PACRG: variants seen among roughly 807,000 people sequenced by gnomAD.
PACRG encodes parkin coregulated, also known as parkin coregulated gene protein.
In PACRG, 29 loss-of-function variants were observed where a neutral mutation model predicts 29.7. The observed-to-expected ratio is 0.98, with a 90% CI of 0.73 to 1.33. The LOEUF is 1.33. Ranked by LOEUF, PACRG falls within the 40% of genes most tolerant of loss-of-function variation. The pLI, the probability that PACRG is intolerant of heterozygous loss-of-function variation, is 0.00. For missense variants in PACRG, 279 were observed against 316.2 expected, an observed-to-expected ratio of 0.88 and a Z score of 0.89; for synonymous variants, 116 against 118.7, an observed-to-expected ratio of 0.98 and a Z score of 0.15.
In PACRG at chr6:162,932,861, T is replaced by C. The variant is rs116519428; in HGVS notation, c.291+118580T>C. ...CAGATTTCTAAAATATTTTTGTCTT[T>C]GTTTATTTCTGCTCTCATCTTTATA... On this transcript the variant is annotated intron_variant, in intron 2 of 4. Transcript: ENST00000366888. Among the ~76,000 whole-genome samples the C allele has an allele frequency of 5.4e-3, 827 of 152,096 alleles. 9 individuals carry two copies. The highest frequency in any genetic ancestry group is 0.019 in the African/African-American group (774 of 41,562).
chr6:163,049,978 T>C (rs1809824745), intron 2 of PACRG, among the ~76,000 whole-genome samples: 1 of 152,118 alleles, frequency 6.6e-6, no homozygotes, highest in South Asian at 2.1e-4. Context: ...ACCTTTATTT[T>C]CCACCTTTCA....
chr6:163,053,579 G>A (rs1353967835), intron 2 of PACRG, among the ~76,000 whole-genome samples: 2 of 152,084 alleles, frequency 1.3e-5, no homozygotes, highest in African/African-American at 2.4e-5. Flanking sequence ...AGTGAAATGA[G>A]GGAAAACACA....
At chr6:162,987,980 T>C (rs764528221) in intron 2 of PACRG, among the ~76,000 whole-genome samples, 1 of 152,184 alleles carries the variant, frequency 6.6e-6, no homozygotes, top group Non-Finnish European at 1.5e-5. Flanking sequence ...ATGTCCTGAG[T>C]TGGTTGGCCT....
chr6:163,064,106 T>C (rs1200573793), intron 3 of PACRG, among the ~76,000 whole-genome samples: 2 of 151,726 alleles, frequency 1.3e-5, no homozygotes, highest in Non-Finnish European at 2.9e-5. Flanking sequence ...TTTAAATCAA[T>C]GCTTCATGTT....
At chr6:162,989,484 C>T (rs962804867) in intron 2 of PACRG, among the ~76,000 whole-genome samples, 1 of 152,144 alleles carries the variant, frequency 6.6e-6, no homozygotes, top group Non-Finnish European at 1.5e-5. Context: ...ATATAACCTA[C>T]ACACATCCTC....
At chr6:163,150,894 G>A (rs1778056536) in intron 4 of PACRG, among the ~76,000 whole-genome samples, 1 of 152,156 alleles carries the variant, frequency 6.6e-6, no homozygotes, top group African/African-American at 2.4e-5. Context: ...TCTGTGCTGG[G>A]TTTTATCTAC....
intron 1 of PACRG, among the ~76,000 whole-genome samples, chr6:162,783,790 A>G (rs1007041584): frequency 1.3e-5 from 2 of 152,148 alleles, no homozygotes; most frequent in Middle Eastern, 3.5e-3. Flanking sequence ...CTCTAAAAGT[A>G]TTGTACTTGA....
rs532041995 is a variant in PACRG, at chr6:163,124,611, T to C, written c.613+35203T>C. Among the ~76,000 whole-genome samples, 226 of 152,308 alleles carry C rather than the reference T, an allele frequency of 1.5e-3. 1 individual carries two copies. The highest frequency in any genetic ancestry group is 5.0e-3 in the African/African-American group (209 of 41,568). On this transcript the variant is annotated intron_variant, in intron 4 of 4. Transcript: ENST00000366888. Reference sequence around the variant, plus strand: ...GAGGTTAGGAAAGAGCCTCTGATTTTATGAAGAAATGTCCAGCATTTCCCC... The same window carrying C: ...GAGGTTAGGAAAGAGCCTCTGATTTCATGAAGAAATGTCCAGCATTTCCCC...
intron 4 of PACRG, among the ~76,000 whole-genome samples, chr6:163,237,063 TCAACACGAGATTTGACTGGGGA>T (rs1296290709): frequency 1.3e-5 from 2 of 152,188 alleles, no homozygotes; most frequent in African/African-American, 2.4e-5. Flanking sequence ...GGATTACAAT[TCAACACGAGATTTGACTGGGGA>T]CACAGAGCCA....
At chr6:163,190,907 C>T (rs1464742531) in intron 4 of PACRG, 2 of 456,016 alleles carry the variant, frequency 4.4e-6, no homozygotes, top group Non-Finnish European at 4.4e-6. Flanking sequence ...AGCACACTCA[C>T]CCAGTGCCCG....
chr6:163,070,358 A>T (rs1168672271), intron 3 of PACRG, among the ~76,000 whole-genome samples: 1 of 152,138 alleles, frequency 6.6e-6, no homozygotes, highest in Non-Finnish European at 1.5e-5. Flanking sequence ...TTTTCAAGAC[A>T]TAGACAGTAT....
chr6:163,310,715 A>G (rs1425414516), intron 4 of PACRG: 1 of 152,192 alleles, frequency 6.6e-6, no homozygotes, highest in Non-Finnish European at 1.5e-5. Flanking sequence ...TGAAGTTTGC[A>G]CACAGTCTAG....
At chr6:163,230,947 G>A (rs1482826332) in intron 4 of PACRG, among the ~76,000 whole-genome samples, 3 of 152,206 alleles carry the variant, frequency 2.0e-5, no homozygotes, top group Non-Finnish European at 4.4e-5. Context: ...AGAAGCCTGC[G>A]GGACAGAAAT....
intron 4 of PACRG, among the ~76,000 whole-genome samples, chr6:163,300,249 TCA>T (rs1784938614): frequency 6.6e-6 from 1 of 152,212 alleles, no homozygotes; most frequent in South Asian, 2.1e-4. Flanking sequence ...CTCGGCGCTC[TCA>T]GTCTACTCTG....
intron 4 of PACRG, among the ~76,000 whole-genome samples, chr6:163,151,943 T>A (rs1216658897): frequency 6.6e-6 from 1 of 152,216 alleles, no homozygotes; most frequent in African/African-American, 2.4e-5. Context: ...CCCAAATATG[T>A]CTTCTTAAAT....
intron 4 of PACRG, among the ~76,000 whole-genome samples, chr6:163,142,203 C>G (rs1777567405): frequency 1.3e-5 from 2 of 151,688 alleles, no homozygotes; most frequent in Non-Finnish European, 1.5e-5. Context: ...CAGAAATAAA[C>G]AAAAGAGCAA....
intron 2 of PACRG, among the ~76,000 whole-genome samples, chr6:162,959,794 C>G (rs1800458507): frequency 6.6e-6 from 1 of 152,030 alleles, no homozygotes; most frequent in Non-Finnish European, 1.5e-5. Context: ...GTGGTTGGAT[C>G]CTGGACATAT....
intron 1 of PACRG, among the ~76,000 whole-genome samples, chr6:162,729,787 C>G (rs951429245): frequency 6.6e-6 from 1 of 150,690 alleles, no homozygotes; most frequent in African/African-American, 2.4e-5. Context: ...CATATTAATT[C>G]TTTAATATAA....
At chr6:162,770,335 G>A (rs998724779) in intron 1 of PACRG, among the ~76,000 whole-genome samples, 1 of 152,084 alleles carries the variant, frequency 6.6e-6, no homozygotes, top group African/African-American at 2.4e-5. Flanking sequence ...TAGCTCTTAG[G>A]TGCCTATCTG....
Sources: gnomAD v4.1 joint callset for allele counts (sites outside exome capture counted in the v4.1 genomes callset) on GRCh38, gnomAD v4.1.1 for gene constraint, MANE v1.5 for transcripts, NCBI Gene and HGNC (gene_info 2026-07-23, HGNC 2026-07-21) for gene names.